Variants in DIAPH2 observed in about 807,000 individuals in gnomAD.
DIAPH2 encodes the protein protein diaphanous homolog 2.
Under a neutral mutation model 92.7 loss-of-function variants are expected in DIAPH2, and 35 were observed. The observed-to-expected ratio is 0.38, with a 90% CI of 0.29 to 0.50. The LOEUF is 0.50. DIAPH2 is among the 20% of genes least tolerant of loss of function. The probability of loss-of-function intolerance (pLI) is 0.94; values close to 1 mark genes in which losing one functional copy is unlikely to be tolerated. For missense variants in DIAPH2, 701 were observed against 819.5 expected (o/e 0.86, Z 1.77); for synonymous variants, 301 against 280.4 (o/e 1.07, Z -0.73).
intron 26 of DIAPH2, among the ~76,000 whole-genome samples, chrX:97,509,332 C>A (rs888547928): frequency 1.8e-5 from 2 of 109,853 alleles, no homozygotes; most frequent in African/African-American, 6.6e-5. Flanking sequence ...CAGGCGTAAG[C>A]CACTGTGCCC....
At chrX:96,791,899 T>C (rs191706759) in intron 4 of DIAPH2, among the ~76,000 whole-genome samples, 1 of 111,009 alleles carries the variant, frequency 9.0e-6, no homozygotes, top group East Asian at 2.9e-4. Flanking sequence ...AGAAGTTAAC[T>C]AACTTACCCA....
At chrX:97,306,802 G>C (rs1279194082) in intron 23 of DIAPH2, among the ~76,000 whole-genome samples, 1 of 111,646 alleles carries the variant, frequency 9.0e-6, no homozygotes, top group Admixed American at 9.6e-5. Context: ...ATAAACATTT[G>C]CTTTGGAACT....
At chrX:97,357,991 A>T (rs1294731093) in intron 24 of DIAPH2, among the ~76,000 whole-genome samples, 2 of 111,786 alleles carry the variant, frequency 1.8e-5, no homozygotes, top group Non-Finnish European at 3.8e-5. Context: ...TTTGGTGTTT[A>T]ATTTTAATGG....
At chrX:97,308,116 G>A (rs1401996206) in intron 23 of DIAPH2, among the ~76,000 whole-genome samples, 1 of 110,159 alleles carries the variant, frequency 9.1e-6, no homozygotes, top group African/African-American at 3.3e-5. Context: ...ATAGGTTTTT[G>A]ATATTGAAAG....
At chrX:97,504,099 G>A (rs1003795427) in intron 26 of DIAPH2, among the ~76,000 whole-genome samples, 2 of 111,906 alleles carry the variant, frequency 1.8e-5, no homozygotes, top group African/African-American at 6.5e-5. Context: ...ATTATGTTCA[G>A]CCTAGTTTTA....
chrX:96,991,539 G>GTT (rs5903062), intron 17 of DIAPH2, among the ~76,000 whole-genome samples: 16,191 of 87,127 alleles, frequency 0.19, 1,661 homozygotes, highest in African/African-American at 0.31. Context: ...GTTTTATGGT[G>GTT]TTTTTTTTTT....
intron 14 of DIAPH2, among the ~76,000 whole-genome samples, chrX:96,946,277 A>C (rs2065737881): frequency 9.0e-6 from 1 of 111,585 alleles, no homozygotes; most frequent in Non-Finnish European, 1.9e-5. Flanking sequence ...ATTAGCTTCT[A>C]CCACAAGTTT....
intron 3 of DIAPH2, among the ~76,000 whole-genome samples, chrX:96,756,854 C>T (rs1167319132): frequency 9.2e-6 from 1 of 108,966 alleles, no homozygotes; most frequent in African/African-American, 3.3e-5. Context: ...ATTTGCATTT[C>T]CCCACAGATT....
rs962776012 is a variant in DIAPH2, at chrX:96,718,336, G to GTTTTTTTTTTTTTTTTTTTTTTTTTTT, written c.133-17410_133-17384dup. Among the ~76,000 whole-genome samples, 4 of 10,987 alleles carry GTTTTTTTTTTTTTTTTTTTTTTTTTTT rather than the reference G, an allele frequency of 3.6e-4. 2 individuals are homozygous for GTTTTTTTTTTTTTTTTTTTTTTTTTTT. Among genetic ancestry groups the GTTTTTTTTTTTTTTTTTTTTTTTTTTT allele is most frequent in the African/African-American group, 1.8e-3 (4 of 2,169 alleles). The allele number at this position is 10,987 out of a possible 115,157, so 9.5% of individuals were successfully genotyped here. A position where few individuals can be genotyped will look rare whatever the true frequency, so the allele number is the denominator to read the frequency against. ...TGTATATATGTACCACATTTTCTTTGTTTTTTTTTTTTTTTTTTTTTTTTT... is the reference window on the plus strand; with the variant it reads ...TGTATATATGTACCACATTTTCTTTGTTTTTTTTTTTTTTTTTTTTTTTTTTTTTTTTTTTTTTTTTTTTTTTTTTTT... On this transcript the variant is annotated intron_variant, in intron 1 of 26. Transcript: ENST00000324765.
chrX:97,308,873 G>T (rs905024148), intron 23 of DIAPH2, among the ~76,000 whole-genome samples: 1 of 104,754 alleles, frequency 9.5e-6, no homozygotes, highest in Admixed American at 1.0e-4. Context: ...TTCAAAATTA[G>T]CTGGGCGTGG....
At chrX:97,279,707 C>T (rs915197447) in intron 23 of DIAPH2, among the ~76,000 whole-genome samples, 2 of 111,588 alleles carry the variant, frequency 1.8e-5, no homozygotes, top group African/African-American at 6.5e-5. Flanking sequence ...TGGGGTTGCT[C>T]CCCCTTACCA....
chrX:97,576,879 T>G (rs1183329820), intron 26 of DIAPH2, among the ~76,000 whole-genome samples: 1 of 111,964 alleles, frequency 8.9e-6, no homozygotes, highest in Non-Finnish European at 1.9e-5. Flanking sequence ...ATACAAATTC[T>G]GCCTTGGTCT....
chrX:97,244,619 T>C (rs1217558133), intron 22 of DIAPH2, among the ~76,000 whole-genome samples: 2 of 111,922 alleles, frequency 1.8e-5, no homozygotes, highest in Non-Finnish European at 3.8e-5. Context: ...ACCTGAGGTT[T>C]TCTATAGTAT....
intron 25 of DIAPH2, among the ~76,000 whole-genome samples, chrX:97,405,381 A>G (rs2069799239): frequency 9.0e-6 from 1 of 111,659 alleles, no homozygotes; most frequent in African/African-American, 3.3e-5. Flanking sequence ...TTAGGGAAAG[A>G]AGTGCAAATT....
Position 97,464,186 on chromosome X carries a change from CGG to C in DIAPH2, c.3241+34445_3241+34446del, listed in dbSNP as rs1168451042. Among the ~76,000 whole-genome samples, 11 of 105,011 alleles carry C rather than the reference CGG, an allele frequency of 1.0e-4. No homozygotes were observed. In the East Asian group the frequency reaches 3.1e-3, roughly 30 times the overall value. 91.2% of individuals were successfully genotyped at this position (105,011 alleles called of 115,157 possible). On this transcript the variant is annotated intron_variant, in intron 26 of 26. Transcript: ENST00000324765. ...TTAGAAATATAAGTTGCTCTCAGGC[CGG>C]GGGTGGTGGCTCATGCCTGTAATCC...
intron 3 of DIAPH2, among the ~76,000 whole-genome samples, chrX:96,753,328 T>G (rs2064205353): frequency 8.9e-6 from 1 of 111,978 alleles, no homozygotes; most frequent in Non-Finnish European, 1.9e-5. Flanking sequence ...AGCAGAATGA[T>G]GTACTTGGCC....
chrX:96,724,232 A>G (rs979686155), intron 1 of DIAPH2, among the ~76,000 whole-genome samples: 11 of 111,293 alleles, frequency 9.9e-5, no homozygotes, highest in African/African-American at 2.9e-4. Context: ...GGCTAATTCT[A>G]TAAATTTTTA....
chrX:97,589,608 G>T (rs1234679099), intron 26 of DIAPH2, among the ~76,000 whole-genome samples: 1 of 111,019 alleles, frequency 9.0e-6, no homozygotes, highest in Non-Finnish European at 1.9e-5. Flanking sequence ...GGTTATTTAT[G>T]ATATTCATTA....
chrX:96,835,326 A>G (rs1282906822), intron 4 of DIAPH2, among the ~76,000 whole-genome samples: 3 of 112,203 alleles, frequency 2.7e-5, no homozygotes, highest in Non-Finnish European at 5.6e-5. Flanking sequence ...CCTTTAGTTC[A>G]TGAACTAATT....
Sources: allele counts gnomAD v4.1 joint callset (sites outside exome capture counted in the v4.1 genomes callset), GRCh38; gene constraint gnomAD v4.1.1; transcripts MANE v1.5; gene names NCBI Gene and HGNC (gene_info 2026-07-23, HGNC 2026-07-21).